Variants in PARD3B observed in about 807,000 individuals in gnomAD.
The protein encoded by PARD3B is par-3 family cell polarity regulator beta, also known as partitioning defective 3 homolog B.
PARD3B carries 103 observed loss-of-function variants against 130.2 expected under a neutral mutation model. The ratio of observed to expected loss-of-function variants is 0.79; its 90% confidence interval spans 0.67 to 0.93. The LOEUF is 0.93. Ranked by LOEUF, PARD3B falls within the 40% of genes least tolerant of loss-of-function variation. PARD3B has a pLI of 0.00. For synonymous variants in PARD3B, 583 were observed against 553.2 expected, an observed-to-expected ratio of 1.05 and a Z score of -0.76; for missense variants, 1,609 against 1,499.2, an observed-to-expected ratio of 1.07 and a Z score of -1.21.
At chr2:204,814,184 A>T (rs2043061991) in intron 2 of PARD3B, among the ~76,000 whole-genome samples, 1 of 151,816 alleles carries the variant, frequency 6.6e-6, no homozygotes. Context: ...TACTTATTTG[A>T]TTTATACTTA....
rs376205885 is a variant in PARD3B, at chr2:204,553,703, T to C, written c.120+7584T>C. Among the ~76,000 whole-genome samples, 1,014 of 127,898 alleles carry C rather than the reference T, an allele frequency of 7.9e-3. 11 individuals carry two copies. Among genetic ancestry groups the C allele is most frequent in the African/African-American group, 0.028 (892 of 31,998 alleles). The allele number at this position is 127,898 out of a possible 152,430, so 83.9% of individuals were successfully genotyped here. On this transcript the variant is annotated intron_variant, in intron 1 of 22. Coordinates refer to ENST00000406610, the MANE Select transcript of PARD3B (RefSeq NM_001302769.2). ...ATATATATATATATATATACACACA[T>C]ATATATAAAGGAATACACCTCAGCC...
In PARD3B at chr2:204,874,917, C is replaced by A. The variant is rs79953168; in HGVS notation, c.223-90235C>A. ...TGTTGCAGGCATCAGTGGTTTGCTCCTTTTTTATTGCTGAATAGTATTCCA... is the reference window on the plus strand; with the variant it reads ...TGTTGCAGGCATCAGTGGTTTGCTCATTTTTTATTGCTGAATAGTATTCCA... On this transcript the variant is annotated intron_variant, in intron 2 of 22. Transcript: ENST00000406610. Among the ~76,000 whole-genome samples the A allele has an allele frequency of 9.0e-3, 1,372 of 152,188 alleles. 24 individuals carry two copies. Among genetic ancestry groups the A allele is most frequent in the African/African-American group, 0.031 (1,287 of 41,510 alleles).
At chr2:204,785,779 T>C (rs908897019) in intron 2 of PARD3B, among the ~76,000 whole-genome samples, 1 of 152,218 alleles carries the variant, frequency 6.6e-6, no homozygotes, top group East Asian at 1.9e-4. Context: ...ATTGTTTTAA[T>C]TATTGAACTG....
intron 2 of PARD3B, among the ~76,000 whole-genome samples, chr2:204,924,534 A>C (rs6742774): frequency 6.6e-6 from 1 of 151,968 alleles, no homozygotes; most frequent in African/African-American, 2.4e-5. Context: ...TAAAATTGTT[A>C]AAAAGTCATC....
Position 205,337,891 on chromosome 2 carries a change from T to A in PARD3B, c.2630+36190T>A, listed in dbSNP as rs1464442131. Among the ~76,000 whole-genome samples the A allele has an allele frequency of 1.3e-5, 2 of 152,288 alleles. 1 individual carries two copies. The highest frequency in any genetic ancestry group is 6.8e-3 in the Middle Eastern group (2 of 294). On this transcript the variant is annotated intron_variant, in intron 18 of 22. Coordinates refer to ENST00000406610, the MANE Select transcript of PARD3B (RefSeq NM_001302769.2). ...CTGGCCGGGCATGGTGGCTCATGCC[T>A]GTAAGCCCAGCAGTTTGGGAGGCCA...
intron 2 of PARD3B, among the ~76,000 whole-genome samples, chr2:204,700,238 C>T (rs2037825816): frequency 6.6e-6 from 1 of 152,060 alleles, no homozygotes; most frequent in Non-Finnish European, 1.5e-5. Context: ...ATATTTTCCT[C>T]TTATTTAAAC....
At chr2:205,363,804 A>G (rs1235106572) in intron 18 of PARD3B, among the ~76,000 whole-genome samples, 1 of 148,204 alleles carries the variant, frequency 6.7e-6, no homozygotes, top group Non-Finnish European at 1.5e-5. Flanking sequence ...AGCTGGGACT[A>G]CAGGCATGCG....
At chr2:204,945,103 G>A (rs1270040733) in intron 2 of PARD3B, among the ~76,000 whole-genome samples, 3 of 152,194 alleles carry the variant, frequency 2.0e-5, no homozygotes, top group African/African-American at 7.2e-5. Flanking sequence ...GTACCATCGG[G>A]TTCATATGCT....
chr2:204,553,942 A>C (rs539109010), intron 1 of PARD3B, among the ~76,000 whole-genome samples: 1 of 151,962 alleles, frequency 6.6e-6, no homozygotes, highest in African/African-American at 2.4e-5. Context: ...GGTGCCGTGC[A>C]TACTGCTCAG....
At chr2:204,663,474 T>C (rs539574317) in intron 1 of PARD3B, among the ~76,000 whole-genome samples, 4 of 152,348 alleles carry the variant, frequency 2.6e-5, no homozygotes, top group African/African-American at 9.6e-5. Context: ...ATTGTACTGA[T>C]TTTTACCAGA....
chr2:205,227,057 G>GT (rs201634658), intron 15 of PARD3B, among the ~76,000 whole-genome samples: 16,048 of 147,724 alleles, frequency 0.11, 1,070 homozygotes, highest in East Asian at 0.34. Context: ...TAATTTCAGG[G>GT]TTTTTTTTTT....
At chr2:205,583,400 T>TGTGTGTGTGTGTGTGTGC (rs1192785640) in intron 22 of PARD3B, among the ~76,000 whole-genome samples, 16 of 133,886 alleles carry the variant, frequency 1.2e-4, no homozygotes, top group African/African-American at 3.0e-4. Flanking sequence ...TGTGTGTGTG[T>TGTGTGTGTGTGTGTGTGC]GCGCGCGCAC....
At chr2:205,524,369 T>C (rs1332098756) in intron 21 of PARD3B, among the ~76,000 whole-genome samples, 1 of 152,160 alleles carries the variant, frequency 6.6e-6, no homozygotes, top group Non-Finnish European at 1.5e-5. Context: ...TGATATTAAC[T>C]ACACCTCCTG....
intron 4 of PARD3B, among the ~76,000 whole-genome samples, chr2:205,055,850 G>T (rs1288919254): frequency 6.6e-6 from 1 of 152,032 alleles, no homozygotes; most frequent in Non-Finnish European, 1.5e-5. Flanking sequence ...ATAATATCAA[G>T]AAATATTTTT....
At chr2:205,038,796 T>C (rs1363383705) in intron 3 of PARD3B, among the ~76,000 whole-genome samples, 2 of 152,312 alleles carry the variant, frequency 1.3e-5, no homozygotes, top group South Asian at 2.1e-4. Context: ...CAATCTGAAA[T>C]GAGAGAAAAA....
intron 1 of PARD3B, among the ~76,000 whole-genome samples, chr2:204,586,675 A>G (rs931532206): frequency 6.6e-6 from 1 of 152,130 alleles, no homozygotes; most frequent in African/African-American, 2.4e-5. Context: ...TAAATCTACT[A>G]CTTTCCAACA....
At chr2:205,302,528 G>A (rs2042048252) in intron 18 of PARD3B, among the ~76,000 whole-genome samples, 1 of 152,206 alleles carries the variant, frequency 6.6e-6, no homozygotes, top group Non-Finnish European at 1.5e-5. Context: ...CATGGACAAT[G>A]CCTGCAGTCC....
chr2:205,306,787 C>T (rs1191480743), intron 18 of PARD3B, among the ~76,000 whole-genome samples: 1 of 152,198 alleles, frequency 6.6e-6, no homozygotes, highest in Non-Finnish European at 1.5e-5. Context: ...ATTGGAGTTA[C>T]TGCTACATGC....
At chr2:204,954,719 C>A (rs1358191074) in intron 2 of PARD3B, among the ~76,000 whole-genome samples, 1 of 152,308 alleles carries the variant, frequency 6.6e-6, no homozygotes, top group South Asian at 2.1e-4. Context: ...GCCCATTGCA[C>A]CTGCTCCGGC....
Sources: allele counts gnomAD v4.1 joint callset (sites outside exome capture counted in the v4.1 genomes callset), GRCh38; gene constraint gnomAD v4.1.1; transcripts MANE v1.5; gene names NCBI Gene and HGNC (gene_info 2026-07-23, HGNC 2026-07-21).